Variants in MYRIP observed in about 807,000 individuals in gnomAD.
MYRIP encodes myosin VIIA and Rab interacting protein, also known as rab effector MyRIP.
A neutral mutation model predicts 98.0 loss-of-function variants in MYRIP; 49 were observed. The observed-to-expected ratio is 0.50, with a 90% CI of 0.40 to 0.63. The LOEUF is 0.63. MYRIP is among the 30% of genes least tolerant of loss of function. The probability of loss-of-function intolerance (pLI) is 0.00; values close to 1 mark genes in which losing one functional copy is unlikely to be tolerated. For synonymous variants in MYRIP, 404 were observed against 409.5 expected (o/e 0.99, Z 0.16); for missense variants, 1,004 against 1,058.2 (o/e 0.95, Z 0.71).
chr3:40,000,171 A>T (rs184944695), intron 2 of MYRIP, among the ~76,000 whole-genome samples: 22 of 151,696 alleles, frequency 1.5e-4, no homozygotes, highest in South Asian at 8.3e-4. Flanking sequence ...AAACTTTAAT[A>T]AAAAAAATTA....
intron 11 of MYRIP, among the ~76,000 whole-genome samples, chr3:40,217,093 G>A (rs1227120037): frequency 1.3e-5 from 2 of 152,160 alleles, no homozygotes; most frequent in Non-Finnish European, 1.5e-5. Context: ...ACAGACCACA[G>A]AAGAAATTGG....
chr3:40,162,945 C>A, intron 5 of MYRIP, 135 bp downstream of exon 5: 2 of 714,680 alleles, frequency 2.8e-6, no homozygotes, highest in Non-Finnish European at 4.7e-6. Flanking sequence ...GTGAGTCTCC[C>A]TGGGTCACTT....
At chr3:39,821,647 A>G (rs1433821656) in intron 1 of MYRIP, among the ~76,000 whole-genome samples, 2 of 151,754 alleles carry the variant, frequency 1.3e-5, no homozygotes, top group East Asian at 3.9e-4. Flanking sequence ...ACAAGTTTCG[A>G]TATATAATGT....
intron 3 of MYRIP, among the ~76,000 whole-genome samples, chr3:40,097,121 T>G (rs1948848848): frequency 6.6e-6 from 1 of 152,236 alleles, no homozygotes; most frequent in African/African-American, 2.4e-5. Context: ...CTTATGGGAA[T>G]AGGAAACTAA....
intron 3 of MYRIP, among the ~76,000 whole-genome samples, chr3:40,064,807 C>T (rs1215573242): frequency 6.6e-6 from 1 of 152,174 alleles, no homozygotes; most frequent in Non-Finnish European, 1.5e-5. Flanking sequence ...AGAAAATCCT[C>T]ATCCTGGGAC....
At chr3:40,192,088 T>A in intron 10 of MYRIP, among the ~76,000 whole-genome samples, 1 of 149,234 alleles carries the variant, frequency 6.7e-6, no homozygotes. Flanking sequence ...TCCAGAGACA[T>A]CAAAACCCTG....
chr3:40,077,570 G>A (rs1462175639), intron 3 of MYRIP, among the ~76,000 whole-genome samples: 1 of 152,186 alleles, frequency 6.6e-6, no homozygotes, highest in African/African-American at 2.4e-5. Context: ...GTGTCAATTG[G>A]TGCATTCACA....
At chr3:39,917,373 G>C (rs1944186825) in intron 2 of MYRIP, among the ~76,000 whole-genome samples, 1 of 147,078 alleles carries the variant, frequency 6.8e-6, no homozygotes, top group Non-Finnish European at 1.5e-5. Flanking sequence ...TCATAGCAAA[G>C]TGAAACTAAA....
chr3:40,136,221 AG>A (rs1296416570), intron 3 of MYRIP, among the ~76,000 whole-genome samples: 1 of 152,270 alleles, frequency 6.6e-6, no homozygotes, highest in Non-Finnish European at 1.5e-5. Context: ...AAAAAAAGGC[AG>A]GGGTTGCAAT....
chr3:40,164,258 G>C (rs748038238), intron 5 of MYRIP, among the ~76,000 whole-genome samples: 2 of 152,036 alleles, frequency 1.3e-5, no homozygotes, highest in Admixed American at 1.3e-4. Context: ...AAAACTCTCC[G>C]GATTAGTGTT....
At position 40,166,865 on chromosome 3, in the gene MYRIP, C is replaced by T. The variant is rs199962531; in HGVS notation, c.570C>T (p.Thr190=). The part of the protein sequence containing the change: ...RQSEGHSVMD[T]LAVALRVAEE... ...GTCTAGGACATAGTGTGATGGACAC[C>T]TTGGCTGTGGCCCTACGGGTGGCTG... is the stretch of plus-strand genomic sequence containing the variant. Residue 190 remains threonine, a synonymous_variant, in exon 6 of 17, where the codon ACC becomes ACT. Coordinates refer to ENST00000302541, the MANE Select transcript of MYRIP (RefSeq NM_015460.4). The T allele has an allele frequency of 1.4e-5, 23 of 1,613,192 alleles. No homozygotes were observed. The East Asian group carries it at 5.1e-4, about 36-fold the overall frequency.
At chr3:39,969,987 C>G (rs1945537611) in intron 2 of MYRIP, 2 of 152,034 alleles carry the variant, frequency 1.3e-5, no homozygotes, top group Admixed American at 1.3e-4. Context: ...ATTACTGATC[C>G]AATTTTGGAG....
intron 2 of MYRIP, among the ~76,000 whole-genome samples, chr3:39,967,943 G>A (rs1575421822): frequency 6.6e-6 from 1 of 152,018 alleles, no homozygotes; most frequent in Non-Finnish European, 1.5e-5. Flanking sequence ...TTTTTCTCTT[G>A]TAAATTTGTT....
chr3:39,859,690 A>G (rs924725076), intron 1 of MYRIP, among the ~76,000 whole-genome samples: 1 of 152,266 alleles, frequency 6.6e-6, no homozygotes, highest in Non-Finnish European at 1.5e-5. Context: ...AAGGGATCTT[A>G]TCCCTGATAT....
intron 2 of MYRIP, among the ~76,000 whole-genome samples, chr3:40,008,144 A>T (rs1446972855): frequency 6.6e-6 from 1 of 152,196 alleles, no homozygotes; most frequent in Non-Finnish European, 1.5e-5. Flanking sequence ...GCTTCATAGC[A>T]CTTGACTCCC....
chr3:40,216,610 C>T (rs1559459195), intron 11 of MYRIP, among the ~76,000 whole-genome samples: 1 of 152,050 alleles, frequency 6.6e-6, no homozygotes, highest in Non-Finnish European at 1.5e-5. Flanking sequence ...AGCAGGAAAC[C>T]CCACTGTTAT....
At chr3:39,919,727 T>TGTGTGAGAGA (rs1553645683) in intron 2 of MYRIP, among the ~76,000 whole-genome samples, 5 of 123,384 alleles carry the variant, frequency 4.1e-5, no homozygotes, top group South Asian at 5.3e-4. Context: ...TGTGTGTGTG[T>TGTGTGAGAGA]GAGAGAGAGA....
chr3:39,874,251 G>A (rs1326591506), intron 1 of MYRIP, among the ~76,000 whole-genome samples: 2 of 152,074 alleles, frequency 1.3e-5, no homozygotes, highest in African/African-American at 4.8e-5. Context: ...CTGAGACAAT[G>A]GGGTTTTCTA....
intron 11 of MYRIP, among the ~76,000 whole-genome samples, chr3:40,212,999 T>C (rs550235120): frequency 6.6e-6 from 1 of 152,280 alleles, no homozygotes; most frequent in South Asian, 2.1e-4. Flanking sequence ...GGTTAATGGC[T>C]TACCTCACTG....
Sources: gnomAD v4.1 joint callset for allele counts (sites outside exome capture counted in the v4.1 genomes callset) on GRCh38, gnomAD v4.1.1 for gene constraint, MANE v1.5 for transcripts, NCBI Gene and HGNC (gene_info 2026-07-23, HGNC 2026-07-21) for gene names.